Variants in CHM observed in about 807,000 individuals in gnomAD.
CHM encodes the protein rab proteins geranylgeranyltransferase component A 1.
A neutral mutation model predicts 49.0 loss-of-function variants in CHM; 10 were observed. That is an observed-to-expected ratio of 0.20 (90% confidence interval 0.13 to 0.35). The LOEUF (loss-of-function observed/expected upper bound fraction) is 0.35. Ranked by LOEUF, CHM falls within the 10% of genes least tolerant of loss-of-function variation. The probability of loss-of-function intolerance (pLI) is 1.00; values close to 1 mark genes in which losing one functional copy is unlikely to be tolerated. For missense variants in CHM, 455 were observed against 478.4 expected, an observed-to-expected ratio of 0.95 and a Z score of 0.46; for synonymous variants, 184 against 167.5, an observed-to-expected ratio of 1.10 and a Z score of -0.76.
chrX:86,022,434 G>C (rs1010746374), intron 2 of CHM, among the ~76,000 whole-genome samples: 30 of 111,134 alleles, frequency 2.7e-4, no homozygotes, highest in African/African-American at 9.5e-4. Context: ...TATGGGTAGA[G>C]AGACACTAAG....
At chrX:86,031,795 G>A (rs1210664000) in intron 1 of CHM, among the ~76,000 whole-genome samples, 1 of 111,238 alleles carries the variant, frequency 9.0e-6, no homozygotes, top group Middle Eastern at 4.7e-3. Flanking sequence ...AGCCAAGATC[G>A]CACCATTGCA....
chrX:85,873,797 C>T (rs2148121357), intron 13 of CHM, among the ~76,000 whole-genome samples: 1 of 111,365 alleles, frequency 9.0e-6, no homozygotes, highest in South Asian at 3.7e-4. Flanking sequence ...TGAATGATAT[C>T]TCAATAAAGT....
At chrX:85,889,315 T>C (rs1355985941) in intron 12 of CHM, among the ~76,000 whole-genome samples, 1 of 111,377 alleles carries the variant, frequency 9.0e-6, no homozygotes, top group Non-Finnish European at 1.9e-5. Context: ...AAACTATGCA[T>C]CCAAAAAACA....
chrX:86,028,405 C>T (rs994458617), intron 1 of CHM, among the ~76,000 whole-genome samples: 5 of 111,876 alleles, frequency 4.5e-5, no homozygotes, highest in Admixed American at 1.9e-4. Context: ...GAATGGCACA[C>T]ACTTTTTAGC....
At chrX:85,927,092 T>C (rs1019343060) in intron 8 of CHM, among the ~76,000 whole-genome samples, 3 of 112,064 alleles carry the variant, frequency 2.7e-5, no homozygotes, top group Non-Finnish European at 1.9e-5. Flanking sequence ...TCCTCACTTG[T>C]AAGCATGGTT....
chrX:85,878,960 C>G lies in CHM; in HGVS notation c.1609+5G>C. On this transcript the variant is annotated splice_donor_5th_base_variant and intron_variant, in intron 13 of 14. Transcript: ENST00000357749. ...CCATCATGAGTTATCAATTATTTTT[C>G]TTACCTATCTCCATTTCAGTATATG... 2 of 1,120,389 alleles carry G rather than the reference C, an allele frequency of 1.8e-6. No homozygotes were observed. Among genetic ancestry groups the G allele is most frequent in the African/African-American group, 1.8e-5 (1 of 56,073 alleles). 92.3% of individuals were successfully genotyped at this position (1,120,389 alleles called of 1,213,427 possible).
rs182847120 is a variant in CHM at position 85,972,401 on chromosome X, G to A, written c.314+6366C>T. 9.7e-3 allele frequency among the ~76,000 whole-genome samples: 1,095 copies of A among 113,393 alleles called. 16 individuals carry two copies. Among genetic ancestry groups the A allele is most frequent in the African/African-American group, 0.033 (1,029 of 31,309 alleles). On this transcript the variant is annotated intron_variant, in intron 4 of 14. Coordinates refer to ENST00000357749, the MANE Select transcript of CHM (RefSeq NM_000390.4). ...GCGGTTGATGGGACTGGGCGCCGTGGAGCAGGGGGCGGCATTTGTCGGGGA... is the reference window on the plus strand; with the variant it reads ...GCGGTTGATGGGACTGGGCGCCGTGAAGCAGGGGGCGGCATTTGTCGGGGA...
chrX:86,024,268 T>C (rs1161897328), intron 2 of CHM, among the ~76,000 whole-genome samples: 2 of 112,307 alleles, frequency 1.8e-5, no homozygotes, highest in East Asian at 2.8e-4. Flanking sequence ...CACCTAAAGA[T>C]TGAAGTGGCA....
intron 2 of CHM, among the ~76,000 whole-genome samples, chrX:85,983,326 C>T (rs1569238031): frequency 9.1e-6 from 1 of 110,034 alleles, no homozygotes; most frequent in Non-Finnish European, 1.9e-5. Flanking sequence ...TCACCCTTTA[C>T]CAAAATGTTG....
chrX:85,890,097 T>C (rs1301173107), intron 12 of CHM, among the ~76,000 whole-genome samples: 1 of 111,319 alleles, frequency 9.0e-6, no homozygotes, highest in Non-Finnish European at 1.9e-5. Flanking sequence ...GGGTACTATG[T>C]TCACTATCTG....
chrX:85,915,105 G>A (rs752569413), intron 8 of CHM, among the ~76,000 whole-genome samples: 117 of 111,160 alleles, frequency 1.1e-3, no homozygotes, highest in African/African-American at 3.2e-3. Context: ...TCACACAGAC[G>A]AGAAAGAACC....
chrX:85,999,573 A>G (rs1313818652), intron 2 of CHM, among the ~76,000 whole-genome samples: 1 of 111,892 alleles, frequency 8.9e-6, no homozygotes, highest in Non-Finnish European at 1.9e-5. Context: ...GTTCAAGTAT[A>G]AACTTCTGTG....
At chrX:85,899,888 A>G (rs1926145611) in intron 11 of CHM, among the ~76,000 whole-genome samples, 1 of 111,020 alleles carries the variant, frequency 9.0e-6, no homozygotes, top group African/African-American at 3.3e-5. Context: ...TAGGATGGCT[A>G]TTATTAACAA....
intron 12 of CHM, among the ~76,000 whole-genome samples, chrX:85,882,993 C>G (rs1423449830): frequency 9.0e-6 from 1 of 111,331 alleles, no homozygotes; most frequent in Non-Finnish European, 1.9e-5. Context: ...TTTAAGACCT[C>G]TTCCGGTCTC....
At chrX:85,978,971 G>A in intron 3 of CHM, 80 bp from the exon 4 acceptor site, 6 of 1,017,189 alleles carry the variant, frequency 5.9e-6, no homozygotes, top group Non-Finnish European at 8.1e-6. Context: ...TTTACCTCTT[G>A]TCTAAATTCA....
At chrX:85,887,593 G>A (rs756652632) in intron 12 of CHM, among the ~76,000 whole-genome samples, 1 of 111,693 alleles carries the variant, frequency 9.0e-6, no homozygotes, top group African/African-American at 3.3e-5. Flanking sequence ...AACAGGGAGG[G>A]GTTGGAACAG....
At chrX:85,915,523 G>A (rs1364634986) in intron 8 of CHM, among the ~76,000 whole-genome samples, 1 of 112,128 alleles carries the variant, frequency 8.9e-6, no homozygotes, top group Non-Finnish European at 1.9e-5. Context: ...CTTGTCTGCA[G>A]ATGACATGAT....
intron 3 of CHM, among the ~76,000 whole-genome samples, chrX:85,981,206 C>CTATA (rs1284378299): frequency 3.7e-5 from 2 of 54,365 alleles, no homozygotes; most frequent in African/African-American, 6.0e-5. Context: ...ATTTCTATTT[C>CTATA]TATATATATA....
chrX:85,987,308 A>G (rs1266940277), intron 2 of CHM, among the ~76,000 whole-genome samples: 1 of 111,748 alleles, frequency 8.9e-6, no homozygotes, highest in African/African-American at 3.3e-5. Context: ...CAGAAAATAC[A>G]TAAAACCCCT....
Sources: allele counts gnomAD v4.1 joint callset (sites outside exome capture counted in the v4.1 genomes callset), GRCh38; gene constraint gnomAD v4.1.1; transcripts MANE v1.5; gene names NCBI Gene and HGNC (gene_info 2026-07-23, HGNC 2026-07-21).